PPP1CB: variants seen among roughly 807,000 people sequenced by gnomAD.
PPP1CB encodes the protein protein phosphatase 1 catalytic subunit beta.
In PPP1CB, 2 loss-of-function variants were observed where a neutral mutation model predicts 43.7. The observed-to-expected ratio is 0.05, with a 90% confidence interval of 0.02 to 0.14. PPP1CB has a LOEUF of 0.14. PPP1CB is among the 10% of genes least tolerant of loss of function. The probability of loss-of-function intolerance (pLI) is 1.00; values close to 1 mark genes in which losing one functional copy is unlikely to be tolerated. For synonymous variants in PPP1CB, 136 were observed against 135.6 expected (o/e 1.00, Z -0.02); for missense variants, 84 against 398.0 (o/e 0.21, Z 6.71).
intron 1 of PPP1CB, among the ~76,000 whole-genome samples, chr2:28,776,210 C>T (rs181914070): frequency 2.0e-5 from 3 of 150,178 alleles, no homozygotes; most frequent in African/African-American, 7.3e-5. Flanking sequence ...GGTGCGGGCT[C>T]TGAAATGTTT....
Position 28,800,488 on chromosome 2 carries a change from A to G in PPP1CB, c.*1185A>G, listed in dbSNP as rs1045997619. ...TAAAGATTTTTATTCTGATTTTTTC[A>G]TAATCAAAGGTCATATGATACTGTA... On this transcript the variant is annotated 3_prime_UTR_variant, in exon 8 of 8. Coordinates refer to ENST00000395366, the MANE Select transcript of PPP1CB (RefSeq NM_002709.3). 10 of 152,358 alleles carry G rather than the reference A, an allele frequency of 6.6e-5. No homozygotes were observed. The highest frequency in any genetic ancestry group is 2.4e-4 in the African/African-American group (10 of 41,514). The allele number at this position is 152,358 out of a possible 1,614,324, so 9.4% of individuals were successfully genotyped here.
At chr2:28,790,982 A>G (rs1008914073) in intron 6 of PPP1CB, among the ~76,000 whole-genome samples, 3 of 152,210 alleles carry the variant, frequency 2.0e-5, no homozygotes, top group African/African-American at 7.2e-5. Context: ...TGTGTACTCT[A>G]AGGAAGGGAT....
At chr2:28,776,824 C>CT (rs1558304641) in intron 1 of PPP1CB, 27 bp from the exon 2 acceptor site, 3 of 1,573,074 alleles carry the variant, frequency 1.9e-6, no homozygotes, top group Admixed American at 3.5e-5. Context: ...TTTTAGAAAA[C>CT]TGACTGTTTT....
In PPP1CB at chr2:28,783,839, T is replaced by C. The variant is rs569966645; in HGVS notation, c.521-68T>C. 148 of 1,055,112 alleles carry C rather than the reference T, an allele frequency of 1.4e-4. 1 individual carries two copies. The South Asian group carries it at 1.8e-3, about 13-fold the overall frequency. 65.4% of individuals were successfully genotyped at this position (1,055,112 alleles called of 1,614,324 possible). On this transcript the variant is annotated intron_variant, in intron 4 of 7. Transcript: ENST00000395366. ...GAATCTATTTTGATTAAATGCTTTT[T>C]ATTCGGTGACTGTTAAAATATTAAA...
At position 28,778,860 on chromosome 2, in the gene PPP1CB, G is replaced by T; in HGVS notation, c.236G>T (p.Gly79Val). The change falls in exon 3 of 8, where the codon GGT (glycine) becomes GTT (valine). Residue 79 changes from glycine (G) to valine (V), a missense_variant. Gly to Val is a moderately radical substitution (Grantham distance 109). Around this residue, in one of 5 missense-constraint regions of PPP1CB, gnomAD observed 28 missense variants for 234.2 expected, o/e 0.12. Transcript: ENST00000395366. ...TTACTGAGATTATTTGAATATGGAG[G>T]TTTCCCACCAGAAGCCAACTATCTT... Reference protein sequence around the residue: ...TDLLRLFEYGGFPPEANYLFL... With the variant: ...TDLLRLFEYGVFPPEANYLFL... The T allele has an allele frequency of 6.2e-7, 1 of 1,606,014 alleles. No homozygotes were observed. The highest frequency in any genetic ancestry group is 8.5e-7 in the Non-Finnish European group (1 of 1,172,676).
At chr2:28,781,891 G>A (rs973341158) in intron 4 of PPP1CB, 49 bp downstream of exon 4, 16 of 1,218,298 alleles carry the variant, frequency 1.3e-5, no homozygotes, top group African/African-American at 6.0e-5. Flanking sequence ...TCTATTATTC[G>A]GAAAATACCT....
At chr2:28,796,541 A>G (rs1038053147) in intron 7 of PPP1CB, among the ~76,000 whole-genome samples, 10 of 151,888 alleles carry the variant, frequency 6.6e-5, no homozygotes, top group East Asian at 3.9e-4. Context: ...TTTTGTGGCT[A>G]TTGTAAATGC....
chr2:28,786,905 C>A (rs1456262386), intron 5 of PPP1CB, among the ~76,000 whole-genome samples: 2 of 151,904 alleles, frequency 1.3e-5, no homozygotes, highest in Non-Finnish European at 2.9e-5. Context: ...CAGCTTCAAC[C>A]AGAAAGGGCT....
chr2:28,782,005 T>C, intron 4 of PPP1CB, 163 bp downstream of exon 4: 1 of 656,328 alleles, frequency 1.5e-6, no homozygotes, highest in South Asian at 1.8e-5. Flanking sequence ...AAATTAGAAA[T>C]TTATTTATAA....
chr2:28,782,655 A>G (rs1667179030), intron 4 of PPP1CB: 1 of 152,224 alleles, frequency 6.6e-6, no homozygotes, highest in Admixed American at 6.5e-5. Context: ...TAGAAGGTCA[A>G]GTACATGCTG....
chr2:28,751,989 G>C lies in PPP1CB; in HGVS notation c.-136G>C. 1 of 826,000 alleles carries C rather than the reference G, an allele frequency of 1.2e-6. No homozygotes were observed. The highest frequency in any genetic ancestry group is 2.0e-6 in the Non-Finnish European group (1 of 493,200). The allele number at this position is 826,000 out of a possible 1,614,324, so 51.2% of individuals were successfully genotyped here. On this transcript the variant is annotated 5_prime_UTR_variant, in exon 1 of 8. Transcript: ENST00000395366. ...CGGGGAGGGGGTGGGGGGAGGGCCCGGGAAAAGGGGGAGTTGGAGCCGGGG... is the reference window on the plus strand; with the variant it reads ...CGGGGAGGGGGTGGGGGGAGGGCCCCGGAAAAGGGGGAGTTGGAGCCGGGG...
chr2:28,761,723 T>C (rs1301048578), intron 1 of PPP1CB, among the ~76,000 whole-genome samples: 1 of 152,250 alleles, frequency 6.6e-6, no homozygotes, highest in Non-Finnish European at 1.5e-5. Context: ...ATTCCCATTA[T>C]TCAGCGTTTA....
At position 28,801,334 on chromosome 2, in the gene PPP1CB, GATTA is replaced by G. The variant is rs1667611553; in HGVS notation, c.*2034_*2037del. 1 of 151,872 alleles carries G rather than the reference GATTA, an allele frequency of 6.6e-6. No individual in the cohort carries two copies. The highest frequency in any genetic ancestry group is 2.1e-4 in the South Asian group (1 of 4,822). 9.4% of individuals were successfully genotyped at this position (151,872 alleles called of 1,614,324 possible). On this transcript the variant is annotated 3_prime_UTR_variant, in exon 8 of 8. Transcript: ENST00000395366. The stretch of plus-strand genomic sequence containing the variant: ...TTTGGCAGGGAAAAAGGGCAATGTT[GATTA>G]ATCTCAGTATTAAACCACATTAATC...
At chr2:28,756,838 A>G (rs558410522) in intron 1 of PPP1CB, among the ~76,000 whole-genome samples, 1 of 152,302 alleles carries the variant, frequency 6.6e-6, no homozygotes, top group African/African-American at 2.4e-5. Flanking sequence ...GAAAAATGAA[A>G]TCGATTAATG....
intron 1 of PPP1CB, among the ~76,000 whole-genome samples, chr2:28,757,874 T>C (rs1666529083): frequency 6.6e-6 from 1 of 151,906 alleles, no homozygotes; most frequent in Non-Finnish European, 1.5e-5. Context: ...TGAAGATTCG[T>C]TGGGATTTAA....
intron 1 of PPP1CB, among the ~76,000 whole-genome samples, chr2:28,755,197 C>T (rs922977355): frequency 1.3e-5 from 2 of 152,192 alleles, no homozygotes; most frequent in Admixed American, 6.5e-5. Context: ...CTACAGCATG[C>T]CACCACGCCC....
At chr2:28,793,086 GTCCCA>G (rs1667421216) in intron 6 of PPP1CB, among the ~76,000 whole-genome samples, 1 of 152,052 alleles carries the variant, frequency 6.6e-6, no homozygotes, top group African/African-American at 2.4e-5. Context: ...GGTGCGTGTA[GTCCCA>G]GCTATTTGGG....
At chr2:28,754,551 G>A (rs1666436741) in intron 1 of PPP1CB, among the ~76,000 whole-genome samples, 1 of 152,076 alleles carries the variant, frequency 6.6e-6, no homozygotes, top group African/African-American at 2.4e-5. Context: ...CATTCTATCA[G>A]TACTTCTTCA....
In PPP1CB at chr2:28,797,725, T is replaced by C. The variant is rs187935786; in HGVS notation, c.880-1474T>C. The stretch of plus-strand genomic sequence containing the variant: ...GATTGTGCTTATTTGGATCTTTTCT[T>C]AATCTAGCTAGCAGTCTATCTTGTT... On this transcript the variant is annotated intron_variant, in intron 7 of 7. Coordinates refer to ENST00000395366, the MANE Select transcript of PPP1CB (RefSeq NM_002709.3). Among the ~76,000 whole-genome samples the C allele has an allele frequency of 5.9e-5, 9 of 152,310 alleles. No individual in the cohort carries two copies. The East Asian group carries it at 1.5e-3, about 26-fold the overall frequency.
Sources: allele counts gnomAD v4.1 joint callset (sites outside exome capture counted in the v4.1 genomes callset), GRCh38; gene constraint gnomAD v4.1.1; regional missense constraint gnomAD v4.1.1; transcripts MANE v1.5; gene names NCBI Gene and HGNC (gene_info 2026-07-23, HGNC 2026-07-21).